The following GNG5 variants were observed in gnomAD, a reference collection of about 807,000 sequenced individuals.
GNG5 encodes the protein G protein subunit gamma 5, also known as guanine nucleotide-binding protein G(I)/G(S)/G(O) subunit gamma-5.
In GNG5, 2 loss-of-function variants were observed where a neutral mutation model predicts 6.2. The ratio of observed to expected loss-of-function variants is 0.32; its 90% CI spans 0.13 to 1.01. The LOEUF (loss-of-function observed/expected upper bound fraction) is 1.01. Among genes scored for constraint, GNG5 ranks in the 50% least tolerant of loss-of-function variants. GNG5 has a pLI of 0.48. For missense variants in GNG5, 57 were observed against 80.2 expected, an observed-to-expected ratio of 0.71 and a Z score of 1.10; for synonymous variants, 24 against 33.0, an observed-to-expected ratio of 0.73 and a Z score of 0.93.
At chr1:84,503,966 TGA>T (rs1334088068) in intron 2 of GNG5, 1 of 152,214 alleles carries the variant, frequency 6.6e-6, no homozygotes, top group Non-Finnish European at 1.5e-5. Flanking sequence ...TGAGGAAAGC[TGA>T]GACAAAGACT....
chr1:84,505,910 C>A (rs1451540010), intron 2 of GNG5, 101 bp downstream of exon 2: 2 of 822,036 alleles, frequency 2.4e-6, no homozygotes, highest in East Asian at 7.2e-5. Context: ...CCAGGGGAAG[C>A]GAGGGCCGGC....
intron 2 of GNG5, among the ~76,000 whole-genome samples, chr1:84,502,575 TCTTG>T (rs1397470925): frequency 6.6e-6 from 1 of 152,198 alleles, no homozygotes; most frequent in Admixed American, 6.5e-5. Flanking sequence ...GCGTAGCACA[TCTTG>T]CTTATTAATA....
intron 2 of GNG5, 117 bp from the exon 3 acceptor site, chr1:84,502,087 G>T: frequency 4.7e-5 from 23 of 490,698 alleles, no homozygotes; most frequent in East Asian, 1.3e-4. Context: ...TGCTTCAAAA[G>T]AAGATACTAT....
intron 3 of GNG5, among the ~76,000 whole-genome samples, chr1:84,498,833 T>C (rs1169034678): frequency 2.0e-5 from 3 of 152,098 alleles, no homozygotes; most frequent in Non-Finnish European, 4.4e-5. Context: ...CAAACATCCT[T>C]AGAAAAATGA....
At position 84,506,156 on chromosome 1, in the gene GNG5, A is replaced by G; in HGVS notation, c.-65T>C. Reference sequence around the variant, plus strand: ...TCGTGGGCCGTGGGTCGGCGGGGCCAGACAACTCAGCGGCGCGCGGCGGGG... The same window carrying G: ...TCGTGGGCCGTGGGTCGGCGGGGCCGGACAACTCAGCGGCGCGCGGCGGGG... On this transcript the variant is annotated 5_prime_UTR_variant, in exon 2 of 4. Transcript: ENST00000370645. 5 of 1,384,632 alleles carry G rather than the reference A, an allele frequency of 3.6e-6. No homozygotes were observed. The South Asian group carries it at 5.2e-5, about 14-fold the overall frequency. 85.8% of individuals were successfully genotyped at this position (1,384,632 alleles called of 1,614,324 possible). A position where few individuals can be genotyped will look rare whatever the true frequency, so the allele number is the denominator to read the frequency against.
At chr1:84,501,388 C>T (rs191617672) in intron 3 of GNG5, among the ~76,000 whole-genome samples, 72 of 152,320 alleles carry the variant, frequency 4.7e-4, no homozygotes, top group Admixed American at 4.4e-3. Flanking sequence ...AGAGCAATAA[C>T]ATCAAGAGTT....
chr1:84,506,362 A>C, intron 1 of GNG5, 61 bp from the exon 2 acceptor site: 1 of 339,788 alleles, frequency 2.9e-6, no homozygotes. Context: ...GCTGGAGGCT[A>C]GCGCGACCCG....
intron 3 of GNG5, 51 bp downstream of exon 3, chr1:84,501,775 A>G: frequency 1.9e-6 from 2 of 1,075,036 alleles, no homozygotes; most frequent in Non-Finnish European, 2.9e-6. Context: ...GAAAGAGAAG[A>G]CTAGTTATTC....
rs1166558199 is a variant in GNG5 at position 84,506,182 on chromosome 1, G to T, written c.-91C>A. 2.0e-6 allele frequency: 2 copies of T among 1,018,662 alleles called. No individual in the cohort carries two copies. Among genetic ancestry groups the T allele is most frequent in the Non-Finnish European group, 1.4e-6 (1 of 719,882 alleles). The allele number at this position is 1,018,662 out of a possible 1,614,324, so 63.1% of individuals were successfully genotyped here. A position where few individuals can be genotyped will look rare whatever the true frequency, so the allele number is the denominator to read the frequency against. Reference sequence around the variant, plus strand: ...GACAACTCAGCGGCGCGCGGCGGGGGCGGGGCTCCGAACTTTGTCTCTAAG... The same window carrying T: ...GACAACTCAGCGGCGCGCGGCGGGGTCGGGGCTCCGAACTTTGTCTCTAAG... On this transcript the variant is annotated 5_prime_UTR_variant, in exon 2 of 4. Transcript: ENST00000370645.
In GNG5 at chr1:84,506,132, CGTG is replaced by C. The variant is rs2101895346; in HGVS notation, c.-44_-42del. Reference sequence around the variant, plus strand: ...CGGGCCGATTCGTGGGTCGGTGGGTCGTGGGCCGTGGGTCGGCGGGGCCAGACA... The same window carrying C: ...CGGGCCGATTCGTGGGTCGGTGGGTCGGCCGTGGGTCGGCGGGGCCAGACA... On this transcript the variant is annotated 5_prime_UTR_variant, in exon 2 of 4. Transcript: ENST00000370645. 6.5e-7 allele frequency: 1 copy of C among 1,528,810 alleles called. No homozygotes were observed. The highest frequency in any genetic ancestry group is 1.9e-5 in the Admixed American group (1 of 51,842). The allele number at this position is 1,528,810 out of a possible 1,614,324, so 94.7% of individuals were successfully genotyped here.
At chr1:84,503,940 A>G (rs1217865305) in intron 2 of GNG5, 1 of 152,238 alleles carries the variant, frequency 6.6e-6, no homozygotes, top group Non-Finnish European at 1.5e-5. Flanking sequence ...TCAGTGAGAA[A>G]CAGCATTCCA....
rs1170668843 is a variant in GNG5, at chr1:84,506,231, T to G, written c.-140A>C. The G allele has an allele frequency of 8.5e-6, 5 of 587,170 alleles. No homozygotes were observed. The highest frequency in any genetic ancestry group is 3.2e-5 in the South Asian group (1 of 31,410). The allele number at this position is 587,170 out of a possible 1,614,324, so 36.4% of individuals were successfully genotyped here. ...AGTTTCCGGTTCTGTGCTCAGCGGC[T>G]CCACCCTCGGTGCGCATGCGCGCCT... On this transcript the variant is annotated 5_prime_UTR_variant, in exon 2 of 4. Coordinates refer to ENST00000370645, the MANE Select transcript of GNG5 (RefSeq NM_005274.3).
chr1:84,504,905 T>C (rs1237506495), intron 2 of GNG5, among the ~76,000 whole-genome samples: 1 of 152,186 alleles, frequency 6.6e-6, no homozygotes, highest in East Asian at 1.9e-4. Context: ...AGAATTTCCC[T>C]TCCCTTCTGA....
Position 84,506,286 on chromosome 1 carries a change from G to C in GNG5, c.-195C>G, listed in dbSNP as rs13093. 1,069 of 428,260 alleles carry C rather than the reference G, an allele frequency of 2.5e-3. 6 individuals are homozygous for C. Among genetic ancestry groups the C allele is most frequent in the Non-Finnish European group, 3.6e-3 (864 of 242,454 alleles). The allele number at this position is 428,260 out of a possible 1,614,324, so 26.5% of individuals were successfully genotyped here. A position where few individuals can be genotyped will look rare whatever the true frequency, so the allele number is the denominator to read the frequency against. Reference sequence around the variant, plus strand: ...AGCCCTCTGTTCCAGCTCCACACCCGGCCCCGAGCGCGAGCCTGGAGGAGG... The same window carrying C: ...AGCCCTCTGTTCCAGCTCCACACCCCGCCCCGAGCGCGAGCCTGGAGGAGG... On this transcript the variant is annotated 5_prime_UTR_variant, in exon 2 of 4. Transcript: ENST00000370645.
Position 84,506,243 on chromosome 1 carries a change from G to A in GNG5, c.-152C>T, listed in dbSNP as rs41284589. On this transcript the variant is annotated 5_prime_UTR_variant, in exon 2 of 4. Coordinates refer to ENST00000370645, the MANE Select transcript of GNG5 (RefSeq NM_005274.3). The stretch of plus-strand genomic sequence containing the variant: ...TGTGCTCAGCGGCTCCACCCTCGGT[G>A]CGCATGCGCGCCTTGCCAGCCCTCT... 32,832 of 521,518 alleles carry A rather than the reference G, an allele frequency of 0.063. 1,255 individuals are homozygous for A. The highest frequency in any genetic ancestry group is 0.075 in the Non-Finnish European group (23,841 of 317,372). The allele number at this position is 521,518 out of a possible 1,614,324, so 32.3% of individuals were successfully genotyped here. A position where few individuals can be genotyped will look rare whatever the true frequency, so the allele number is the denominator to read the frequency against.
At chr1:84,501,657 A>C (rs1682059815) in intron 3 of GNG5, among the ~76,000 whole-genome samples, 169 bp downstream of exon 3, 1 of 152,200 alleles carries the variant, frequency 6.6e-6, no homozygotes, top group South Asian at 2.1e-4. Context: ...CTTCATGGCT[A>C]CTAAGTCAGC....
At position 84,506,066 on chromosome 1, in the gene GNG5, G is replaced by C; in HGVS notation, c.26C>G (p.Ala9Gly). 1 of 1,577,756 alleles carries C rather than the reference G, an allele frequency of 6.3e-7. No homozygotes were observed. Among genetic ancestry groups the C allele is most frequent in the South Asian group, 1.1e-5 (1 of 87,458 alleles). Residue 9 changes from alanine to glycine, a missense_variant, in exon 2 of 4, where the codon GCT becomes GGT. Transcript: ENST00000370645. ...GAGCTGTTGAACCACTTTCTTCATAGCGGCGACGCTGGAGGAGCCAGACAT... is the reference window on the plus strand; with the variant it reads ...GAGCTGTTGAACCACTTTCTTCATACCGGCGACGCTGGAGGAGCCAGACAT... MSGSSSVA[A>G]MKKVVQQLRL...
rs1277515331 is a variant in GNG5, at chr1:84,498,406, AT to A, written c.*161del. On this transcript the variant is annotated 3_prime_UTR_variant, in exon 4 of 4. Transcript: ENST00000370645. Reference sequence around the variant, plus strand: ...CCTTGTGAAATAGAAATTCATGAAAATTCAGAGAGGTAGATGTTAAGGACTG... The same window carrying A: ...CCTTGTGAAATAGAAATTCATGAAAATCAGAGAGGTAGATGTTAAGGACTG... 6.5e-6 allele frequency: 1 copy of A among 152,730 alleles called. No individual in the cohort carries two copies. Among genetic ancestry groups the A allele is most frequent in the African/African-American group, 2.4e-5 (1 of 41,468 alleles). The allele number at this position is 152,730 out of a possible 1,614,324, so 9.5% of individuals were successfully genotyped here.
intron 3 of GNG5, among the ~76,000 whole-genome samples, chr1:84,501,039 T>G (rs1682047125): frequency 6.6e-6 from 1 of 152,190 alleles, no homozygotes; most frequent in Non-Finnish European, 1.5e-5. Context: ...ATCCAAAACG[T>G]TTTTGGTCAC....
Sources: allele counts gnomAD v4.1 joint callset (sites outside exome capture counted in the v4.1 genomes callset), GRCh38; gene constraint gnomAD v4.1.1; transcripts MANE v1.5; gene names NCBI Gene and HGNC (gene_info 2026-07-23, HGNC 2026-07-21).